Variants in ABCA2 observed in about 807,000 individuals in gnomAD.
ABCA2 encodes ATP-binding cassette sub-family A member 2.
ABCA2 carries 84 observed loss-of-function variants against 262.8 expected under a neutral mutation model. The ratio of observed to expected loss-of-function variants is 0.32; its 90% CI spans 0.27 to 0.38. The LOEUF (loss-of-function observed/expected upper bound fraction) is 0.38. Among genes scored for constraint, ABCA2 ranks in the 10% least tolerant of loss-of-function variants. ABCA2 has a pLI of 1.00. For synonymous variants in ABCA2, 1,696 were observed against 1,502.9 expected (o/e 1.13, Z -2.97); for missense variants, 2,662 against 3,405.9 (o/e 0.78, Z 5.44).
chr9:137,020,986 C>A lies in ABCA2; in HGVS notation c.973G>T (p.Gly325Trp). Residue 325 changes from glycine to tryptophan, a missense_variant, in exon 9 of 49, where the codon GGG (glycine) becomes TGG (tryptophan). Transcript: ENST00000341511. The part of the protein sequence containing the change: ...PPPRRLQALL[G>W]DLLDAQKVLQ... ...ACCTTCTGGGCATCCAGCAGGTCCC[C>A]CAGAAGCGCCTGCAGCCTCCGTGGG... is the stretch of plus-strand genomic sequence containing the variant. 1 of 1,526,876 alleles carries A rather than the reference C, an allele frequency of 6.5e-7. No homozygotes were observed. Among genetic ancestry groups the A allele is most frequent in the African/African-American group, 1.4e-5 (1 of 72,530 alleles). The allele number at this position is 1,526,876 out of a possible 1,614,324, so 94.6% of individuals were successfully genotyped here.
Position 137,008,302 on chromosome 9 carries a change from G to A in ABCA2, c.7275+114C>T, listed in dbSNP as rs1298250201. 4 of 1,261,666 alleles carry A rather than the reference G, an allele frequency of 3.2e-6. No homozygotes were observed. The Admixed American group carries it at 7.9e-5, about 25-fold the overall frequency. The allele number at this position is 1,261,666 out of a possible 1,614,324, so 78.2% of individuals were successfully genotyped here. ...GCCCACTCTGCCCCCTTGACCTCTG[G>A]ACAGCAAGCATCCTGGGGCCAGTTC... On this transcript the variant is annotated intron_variant, in intron 48 of 48. Coordinates refer to ENST00000341511, the MANE Select transcript of ABCA2 (RefSeq NM_001606.5).
chr9:137,016,165 C>A lies in ABCA2; in HGVS notation c.3114G>T (p.Leu1038=). ...CCGACGTTGGAGGGAACAGGCCGGTCAGGATGGACCTGGGTAGGTGGGCGG... is the reference window on the plus strand; with the variant it reads ...CCGACGTTGGAGGGAACAGGCCGGTAAGGATGGACCTGGGTAGGTGGGCGG... ...GAGKTTTMSI[L]TGLFPPTSGS... The change falls in exon 22 of 49, where the codon CTG becomes CTT. Residue 1038 remains leucine, a synonymous_variant. Transcript: ENST00000341511. 2 of 1,612,660 alleles carry A rather than the reference C, an allele frequency of 1.2e-6. No individual in the cohort carries two copies. The highest frequency in any genetic ancestry group is 1.1e-5 in the South Asian group (1 of 91,064).
rs1041849711 is a variant in ABCA2 at position 137,010,445 on chromosome 9, C to T, written c.6175-74G>A. ...CCCTCTGGCCCCACCCCACCCAGAC[C>T]CTGCCCCACCTCCAGAGCCCAGGGG... On this transcript the variant is annotated intron_variant, in intron 40 of 48. Coordinates refer to ENST00000341511, the MANE Select transcript of ABCA2 (RefSeq NM_001606.5). The T allele has an allele frequency of 1.6e-5, 24 of 1,499,734 alleles. No individual in the cohort carries two copies. The African/African-American group carries it at 2.6e-4, about 16-fold the overall frequency. 92.9% of individuals were successfully genotyped at this position (1,499,734 alleles called of 1,614,324 possible). A position where few individuals can be genotyped will look rare whatever the true frequency, so the allele number is the denominator to read the frequency against.
Position 137,010,731 on chromosome 9 carries a change from C to T in ABCA2, c.6063G>A (p.Met2021Ile), listed in dbSNP as rs1831007252. The change falls in exon 40 of 49, where the codon ATG (methionine) becomes ATA (isoleucine). Residue 2021 changes from methionine to isoleucine, a missense_variant. By Grantham distance (10) the Met-to-Ile change is conservative. Transcript: ENST00000341511. ...CCTCCACAGGCTTGGTAGACACAGG[C>T]ATGCGCCTTGGGGGACAGGGTGGAC... ...QYNFLRRPQR[M>I]PVSTKPVEDD... 1 of 1,612,422 alleles carries T rather than the reference C, an allele frequency of 6.2e-7. No individual in the cohort carries two copies. Among genetic ancestry groups the T allele is most frequent in the Admixed American group, 1.7e-5 (1 of 60,000 alleles).
At chr9:137,018,865 G>T (rs1229496431) in intron 12 of ABCA2, 38 bp downstream of exon 12, 2 of 1,612,256 alleles carry the variant, frequency 1.2e-6, no homozygotes, top group African/African-American at 2.7e-5. Flanking sequence ...TGCGAGGCAG[G>T]GGGTGTCGTG....
Position 137,016,420 on chromosome 9 carries a change from C to A in ABCA2, c.2975G>T (p.Cys992Phe), listed in dbSNP as rs1369403135. ...GTAGACCTTGGTGAGTTTGTCCACG[C>A]AGACAACCAGAGGCAGGTGGGTGGG... ...EEPTHLPLVV[C>F]VDKLTKVYKD... Residue 992 changes from cysteine (C) to phenylalanine (F), a missense_variant, in exon 21 of 49, where the codon TGC becomes TTC. Physicochemically the swap from Cys to Phe is radical, Grantham distance 205. This residue lies in a region of ABCA2 where 133 missense variants were observed against 150.8 expected (regional missense o/e 0.88). Coordinates refer to ENST00000341511, the MANE Select transcript of ABCA2 (RefSeq NM_001606.5). The A allele has an allele frequency of 6.2e-7, 1 of 1,612,740 alleles. No individual in the cohort carries two copies. Among genetic ancestry groups the A allele is most frequent in the Non-Finnish European group, 8.5e-7 (1 of 1,179,986 alleles).
chr9:137,015,151 C>T lies in ABCA2; in HGVS notation c.3698-54G>A, dbSNP rs942202790. On this transcript the variant is annotated intron_variant, in intron 24 of 48. Coordinates refer to ENST00000341511, the MANE Select transcript of ABCA2 (RefSeq NM_001606.5). The stretch of plus-strand genomic sequence containing the variant: ...TTCACTCAGGGGCTGGGAGGAGGGA[C>T]CCCCAATGGGAACCCAACTGGGTCA... 32 of 1,517,696 alleles carry T rather than the reference C, an allele frequency of 2.1e-5. No individual in the cohort carries two copies. The Admixed American group carries it at 4.5e-4, about 21-fold the overall frequency. The allele number at this position is 1,517,696 out of a possible 1,614,324, so 94.0% of individuals were successfully genotyped here.
Position 137,024,000 on chromosome 9 carries a change from G to A in ABCA2, c.160+143C>T, listed in dbSNP as rs533711466. Reference sequence around the variant, plus strand: ...CCTCCACAGCCCAGCCAGGAGGCACGGCCCAGGACCACACAGGGGAGCAGG... The same window carrying A: ...CCTCCACAGCCCAGCCAGGAGGCACAGCCCAGGACCACACAGGGGAGCAGG... On this transcript the variant is annotated intron_variant, in intron 2 of 48. Transcript: ENST00000341511. 7.0e-4 allele frequency: 1,063 copies of A among 1,526,532 alleles called. 15 individuals carry two copies. The South Asian group carries it at 0.012, about 18-fold the overall frequency. The allele number at this position is 1,526,532 out of a possible 1,614,324, so 94.6% of individuals were successfully genotyped here.
rs1830961671 is a variant in ABCA2, at chr9:137,009,608, G to A, written c.6667C>T (p.Arg2223Cys). The change falls in exon 44 of 49, where the codon CGC becomes TGC. Residue 2223 changes from arginine to cysteine, a missense_variant. Around this residue, in one of 12 missense-constraint regions of ABCA2, gnomAD observed 602 missense variants for 897.4 expected, o/e 0.67. Transcript: ENST00000341511. The part of the protein sequence containing the change: ...PTTGMDPKAR[R>C]FLWNLILDLI... ...TCAAGGATGAGGTTCCAGAGGAAGC[G>A]CCGGGCCTTGGGGTCCATGCCTGTG... 3.7e-6 allele frequency: 6 copies of A among 1,612,948 alleles called. No individual in the cohort carries two copies. The highest frequency in any genetic ancestry group is 2.2e-5 in the East Asian group (1 of 44,880).
At position 137,017,261 on chromosome 9, in the gene ABCA2, T is replaced by C. The variant is rs775343228; in HGVS notation, c.2488A>G (p.Met830Val). 9.3e-6 allele frequency: 15 copies of C among 1,612,486 alleles called. No individual in the cohort carries two copies. The highest frequency in any genetic ancestry group is 9.3e-6 in the Non-Finnish European group (11 of 1,179,898). ...ACCTCCTCTCGGATCGCCACGTACATGTAGGGCACGTAGCTCAGGAAGTAG... is the reference window on the plus strand; with the variant it reads ...ACCTCCTCTCGGATCGCCACGTACACGTAGGGCACGTAGCTCAGGAAGTAG... The part of the protein sequence containing the change: ...IIYFLSYVPY[M>V]YVAIREEVAH... The change falls in exon 18 of 49, where the codon ATG becomes GTG. Residue 830 changes from methionine (M) to valine (V), a missense_variant. Physicochemically the swap from Met to Val is conservative, Grantham distance 21 (BLOSUM62 1). Coordinates refer to ENST00000341511, the MANE Select transcript of ABCA2 (RefSeq NM_001606.5).
In ABCA2 at chr9:137,019,414, C is replaced by T. The variant is rs1831376658; in HGVS notation, c.1426-108G>A. The T allele has an allele frequency of 1.2e-5, 15 of 1,296,022 alleles. No homozygotes were observed. Among genetic ancestry groups the T allele is most frequent in the African/African-American group, 1.5e-5 (1 of 66,124 alleles). The allele number at this position is 1,296,022 out of a possible 1,614,324, so 80.3% of individuals were successfully genotyped here. On this transcript the variant is annotated intron_variant, in intron 10 of 48. Transcript: ENST00000341511. The surrounding 1 kb of genome is among the most constrained non-coding windows in gnomAD (Gnocchi z 4.4). ...TGGCTGGTCCATTGCCAACAACTAA[C>T]CCTCCCCACCTTTTTTTTTTTTTTT...
rs1477011313 is a variant in ABCA2 at position 137,013,097 on chromosome 9, G to A, written c.4772C>T (p.Pro1591Leu). Residue 1591 changes from proline (P) to leucine (L), a missense_variant, in exon 30 of 49, where the codon CCA becomes CTA. Pro to Leu is a moderately conservative substitution (Grantham distance 98, BLOSUM62 -3). Transcript: ENST00000341511. ...TQGLPLSNFV[P>L]PPPSPAPSDS... ...AGATGGGGCGGGCGAGGGTGGGGGT[G>A]GCACGAAATTGGACAGTGGCAGCCC... The A allele has an allele frequency of 6.3e-7, 1 of 1,583,274 alleles. No individual in the cohort carries two copies. Among genetic ancestry groups the A allele is most frequent in the Non-Finnish European group, 8.6e-7 (1 of 1,167,492 alleles).
chr9:137,012,895 C>T lies in ABCA2; in HGVS notation c.4898G>A (p.Arg1633His), dbSNP rs747969077. The change falls in exon 31 of 49, where the codon CGC (arginine) becomes CAC (histidine). Residue 1633 changes from arginine (R) to histidine (H), a missense_variant. Transcript: ENST00000341511. ...GCAGCGGACGGGCTCCCGTACCAGGCGCGGCAGGGAGGGTGCCGACGTCCA... is the reference window on the plus strand; with the variant it reads ...GCAGCGGACGGGCTCCCGTACCAGGTGCGGCAGGGAGGGTGCCGACGTCCA... ...EMWTSAPSLP[R>H]LVREPVRCTC... 20 of 1,558,650 alleles carry T rather than the reference C, an allele frequency of 1.3e-5. No homozygotes were observed. The highest frequency in any genetic ancestry group is 1.6e-5 in the Non-Finnish European group (18 of 1,150,762).
intron 29 of ABCA2, 53 bp downstream of exon 29, chr9:137,013,408 C>T: frequency 2.6e-6 from 4 of 1,546,612 alleles, no homozygotes; most frequent in South Asian, 1.2e-5. Context: ...CAAGGCTGTC[C>T]CCGCCCCTTC....
rs2131463133 is a variant in ABCA2, at chr9:137,021,227, G to C, written c.897+165C>G. 6.6e-6 allele frequency among the ~76,000 whole-genome samples: 1 copy of C among 152,290 alleles called. No individual in the cohort carries two copies. The highest frequency in any genetic ancestry group is 2.4e-5 in the African/African-American group (1 of 41,562). ...AGCCCAGGACAGGAGCTGGGATGGT[G>C]AGCAGGAGTGGGGCACCAGCCATGG... On this transcript the variant is annotated intron_variant, in intron 8 of 48. Transcript: ENST00000341511. The surrounding 1 kb of genome is among the most constrained non-coding windows in gnomAD (Gnocchi z 6.0).
At position 137,011,652 on chromosome 9, in the gene ABCA2, G is replaced by A. The variant is rs749724868; in HGVS notation, c.5633C>T (p.Ser1878Phe). The A allele has an allele frequency of 8.4e-6, 13 of 1,553,900 alleles. No individual in the cohort carries two copies. The highest frequency in any genetic ancestry group is 1.7e-4 in the Middle Eastern group (1 of 5,994). The change falls in exon 36 of 49, where the codon TCC (serine) becomes TTC (phenylalanine). Residue 1878 changes from serine (S) to phenylalanine (F), a missense_variant. Ser to Phe is a radical substitution (Grantham distance 155). This residue lies in a region of ABCA2 where 602 missense variants were observed against 897.4 expected (regional missense o/e 0.67). Transcript: ENST00000341511. The surrounding 1 kb of genome is among the most constrained non-coding windows in gnomAD (Gnocchi z 8.8). ...CGCTTACCCATAGAGCAGGAAGAGG[G>A]AGAGGACGGCAGGGAAGTTGGTGGG... ...TSPTNFPAVLSLFLLYGWSIT... is the reference protein window; with the variant it reads ...TSPTNFPAVLFLFLLYGWSIT...
Position 137,013,959 on chromosome 9 carries a change from G to A in ABCA2, c.4320C>T (p.Phe1440=). ...GGAAGCGTTTGACCAGCAGCCCGTG[G>A]AACTGGCGCACCTTCAGCCACCCGC... ...LDGGWLKVRQ[F]HGLLVKRFHC... The change falls in exon 28 of 49, where the codon TTC becomes TTT. Residue 1440 remains phenylalanine (F), a synonymous_variant. Transcript: ENST00000341511. 1.9e-6 allele frequency: 3 copies of A among 1,612,270 alleles called. No individual in the cohort carries two copies. Among genetic ancestry groups the A allele is most frequent in the African/African-American group, 1.3e-5 (1 of 75,036 alleles).
At position 137,007,831 on chromosome 9, in the gene ABCA2, C is replaced by T. The variant is rs1830886355; in HGVS notation, c.*98G>A. Reference sequence around the variant, plus strand: ...TGGTCCTGAACCTCCACTCCAGGCCCTGGCAGGCACTGGGGGACTTCTGTC... The same window carrying T: ...TGGTCCTGAACCTCCACTCCAGGCCTTGGCAGGCACTGGGGGACTTCTGTC... On this transcript the variant is annotated 3_prime_UTR_variant, in exon 49 of 49. Transcript: ENST00000341511. 6.6e-7 allele frequency: 1 copy of T among 1,521,420 alleles called. No homozygotes were observed. The highest frequency in any genetic ancestry group is 1.8e-5 in the Admixed American group (1 of 54,596). 94.2% of individuals were successfully genotyped at this position (1,521,420 alleles called of 1,614,324 possible). A position where few individuals can be genotyped will look rare whatever the true frequency, so the allele number is the denominator to read the frequency against.
At chr9:137,022,030 G>GA in intron 6 of ABCA2, 29 bp from the exon 7 acceptor site, 1 of 1,312,952 alleles carries the variant, frequency 7.6e-7, no homozygotes, top group Non-Finnish European at 1.0e-6. Context: ...TGGCTCAGAT[G>GA]GGGTGTGGGG....
Sources: gnomAD v4.1 joint callset for allele counts (sites outside exome capture counted in the v4.1 genomes callset) on GRCh38, gnomAD v4.1.1 for gene constraint, gnomAD v4.1.1 regional missense constraint, Gnocchi (gnomAD v3.1) non-coding constraint, MANE v1.5 for transcripts, NCBI Gene and HGNC (gene_info 2026-07-23, HGNC 2026-07-21) for gene names.